The following BANP variants were observed in gnomAD, a reference collection of about 807,000 sequenced individuals.
BANP encodes BTG3 associated nuclear protein, also known as protein BANP.
BANP carries 11 observed loss-of-function variants against 68.1 expected under a neutral mutation model. The ratio of observed to expected loss-of-function variants is 0.16; its 90% CI spans 0.10 to 0.27. BANP has a LOEUF of 0.27. Ranked by LOEUF, BANP falls within the 10% of genes least tolerant of loss-of-function variation. The pLI, the probability that BANP is intolerant of heterozygous loss-of-function variation, is 1.00. For synonymous variants in BANP, 329 were observed against 303.2 expected, an observed-to-expected ratio of 1.09 and a Z score of -0.88; for missense variants, 504 against 722.7, an observed-to-expected ratio of 0.70 and a Z score of 3.47.
chr16:88,004,301 C>T lies in BANP; in HGVS notation c.369C>T (p.Val123=). 6.5e-7 allele frequency: 1 copy of T among 1,536,502 alleles called. No homozygotes were observed. Among genetic ancestry groups the T allele is most frequent in the South Asian group, 1.2e-5 (1 of 83,772 alleles). ...TGATTCTTTTGTTCCCTAGCGTCGT[C>T]CCCCAGACTACAGTAATACTCAACA... is the stretch of plus-strand genomic sequence containing the variant. ...TQTCNKVRCV[V]PQTTVILNND... is the part of the protein sequence containing the mutation. Residue 123 remains valine, a synonymous_variant, in exon 5 of 14, where the codon GTC becomes GTT. Transcript: ENST00000682872. The surrounding 1 kb of genome is among the most constrained non-coding windows in gnomAD (Gnocchi z 7.0).
intron 6 of BANP, among the ~76,000 whole-genome samples, chr16:88,013,088 AAG>A (rs2073601766): frequency 6.6e-6 from 1 of 152,232 alleles, no homozygotes; most frequent in African/African-American, 2.4e-5. Context: ...GCTTTCTAGG[AAG>A]AGACACTAGA....
chr16:88,063,390 GC>G (rs1567917609), intron 11 of BANP, among the ~76,000 whole-genome samples: 1 of 152,180 alleles, frequency 6.6e-6, no homozygotes, highest in Non-Finnish European at 1.5e-5. Flanking sequence ...CCGGCTCAGC[GC>G]CCTTGCTTAG....
At chr16:88,020,326 C>A (rs1414571339) in intron 7 of BANP, among the ~76,000 whole-genome samples, 3 of 152,238 alleles carry the variant, frequency 2.0e-5, no homozygotes, top group Non-Finnish European at 4.4e-5. Context: ...GGCCCACCAC[C>A]CCCTCCACCC....
intron 3 of BANP, among the ~76,000 whole-genome samples, chr16:87,983,854 G>GA (rs1271883715): frequency 6.6e-6 from 1 of 152,216 alleles, no homozygotes. Context: ...CATCACATTT[G>GA]AAACAGGACG....
At chr16:87,967,920 C>T (rs1260704015) in intron 1 of BANP, among the ~76,000 whole-genome samples, 1 of 151,448 alleles carries the variant, frequency 6.6e-6, no homozygotes, top group Non-Finnish European at 1.5e-5. Flanking sequence ...CGTGCCTGGC[C>T]TTTTTTTGGT....
intron 1 of BANP, among the ~76,000 whole-genome samples, chr16:87,971,499 C>CT (rs921018064): frequency 4.9e-4 from 73 of 148,676 alleles, no homozygotes; most frequent in Middle Eastern, 3.5e-3. Context: ...TACGTTAATC[C>CT]TTTTTTTTTT....
chr16:88,002,413 C>T lies in BANP; in HGVS notation c.363-1882C>T, dbSNP rs760663329. 1.1e-4 allele frequency among the ~76,000 whole-genome samples: 16 copies of T among 152,096 alleles called. No individual in the cohort carries two copies. The highest frequency in any genetic ancestry group is 1.9e-4 in the Non-Finnish European group (13 of 68,018). On this transcript the variant is annotated intron_variant, in intron 4 of 13. Coordinates refer to ENST00000682872, the MANE Select transcript of BANP (RefSeq NM_001386991.1). The surrounding 1 kb of genome is among the most constrained non-coding windows in gnomAD (Gnocchi z 4.6). Reference sequence around the variant, plus strand: ...CCGTGCTGGTGTTCAGGTGGCCCTGCGCTGGCTCCTGGGGTCTGTGCCCTA... The same window carrying T: ...CCGTGCTGGTGTTCAGGTGGCCCTGTGCTGGCTCCTGGGGTCTGTGCCCTA...
At chr16:88,006,013 A>AT in intron 5 of BANP, 77 bp from the exon 6 acceptor site, 2 of 1,590,714 alleles carry the variant, frequency 1.3e-6, no homozygotes, top group Non-Finnish European at 1.7e-6. Flanking sequence ...AGATTTTGCG[A>AT]TAAGGAAAGC....
At chr16:88,024,191 C>T (rs1039078761) in intron 7 of BANP, among the ~76,000 whole-genome samples, 5 of 152,182 alleles carry the variant, frequency 3.3e-5, no homozygotes, top group Non-Finnish European at 5.9e-5. Flanking sequence ...CTTCCCGTCT[C>T]CCCGAGCACC....
At chr16:88,038,809 A>C (rs2080060040) in intron 11 of BANP, among the ~76,000 whole-genome samples, 1 of 152,116 alleles carries the variant, frequency 6.6e-6, no homozygotes, top group African/African-American at 2.4e-5. Flanking sequence ...GATGGCTGTC[A>C]CCTCTGGATC....
intron 1 of BANP, chr16:87,952,765 C>T (rs2057225041): frequency 6.6e-6 from 1 of 152,184 alleles, no homozygotes; most frequent in African/African-American, 2.4e-5. Flanking sequence ...ATTCTGTCAT[C>T]ATTGGCGTTA....
chr16:88,042,222 G>A (rs2080994806), intron 11 of BANP, among the ~76,000 whole-genome samples: 1 of 152,264 alleles, frequency 6.6e-6, no homozygotes, highest in African/African-American at 2.4e-5. Flanking sequence ...CCCAAATGCG[G>A]GCAAGAAGTT....
In BANP at chr16:88,076,829, AGCC is replaced by A. The variant is rs748443231; in HGVS notation, c.*178_*180del. The A allele has an allele frequency of 1.8e-5, 11 of 602,016 alleles. No homozygotes were observed. Among genetic ancestry groups the A allele is most frequent in the South Asian group, 4.3e-5 (2 of 47,030 alleles). 37.3% of individuals were successfully genotyped at this position (602,016 alleles called of 1,614,324 possible). On this transcript the variant is annotated 3_prime_UTR_variant, in exon 14 of 14. Coordinates refer to ENST00000682872, the MANE Select transcript of BANP (RefSeq NM_001386991.1). ...ACAGCATCCTATCAACTGAAAGAGC[AGCC>A]GCCGCCGCCCCCAGCCGGAGACCCC...
Position 87,961,412 on chromosome 16 carries a change from C to CCCCCT in BANP, c.-69+9901_-69+9902insTCCCC, listed in dbSNP as rs368953008. On this transcript the variant is annotated intron_variant, in intron 1 of 13. Coordinates refer to ENST00000682872, the MANE Select transcript of BANP (RefSeq NM_001386991.1). Reference sequence around the variant, plus strand: ...CTCCTGGACTCACAGAATCTGCACCCCCCCGGGCCTCCCAAAGTGCTGGGA... The same window carrying CCCCCT: ...CTCCTGGACTCACAGAATCTGCACCCCCCCTCCCCGGGCCTCCCAAAGTGCTGGGA... Among the ~76,000 whole-genome samples the CCCCCT allele has an allele frequency of 9.8e-5, 14 of 143,064 alleles. 1 individual carries two copies. The highest frequency in any genetic ancestry group is 1.4e-4 in the Admixed American group (2 of 14,686). The allele number at this position is 143,064 out of a possible 152,430, so 93.9% of individuals were successfully genotyped here.
intron 1 of BANP, among the ~76,000 whole-genome samples, chr16:87,956,404 G>A (rs1034032496): frequency 2.0e-5 from 3 of 152,224 alleles, no homozygotes; most frequent in African/African-American, 7.2e-5. Context: ...GGTGACGGTG[G>A]TGAAAGCATG....
intron 9 of BANP, among the ~76,000 whole-genome samples, chr16:88,034,241 G>C (rs954217207): frequency 1.1e-4 from 16 of 152,202 alleles, no homozygotes; most frequent in African/African-American, 3.4e-4. Flanking sequence ...TTATTAATTT[G>C]TTTGACATTC....
chr16:88,065,876 C>T (rs776786285), intron 12 of BANP, among the ~76,000 whole-genome samples: 1 of 152,134 alleles, frequency 6.6e-6, no homozygotes, highest in East Asian at 1.9e-4. Context: ...ACAGTGTCCC[C>T]AGCGGAGCAG....
intron 11 of BANP, among the ~76,000 whole-genome samples, chr16:88,042,358 C>T (rs1362088291): frequency 4.6e-5 from 7 of 152,230 alleles, no homozygotes; most frequent in Admixed American, 1.3e-4. Context: ...TCCTCCTCCC[C>T]GAGCTGTGCC....
At chr16:88,011,019 A>G (rs762779591) in intron 6 of BANP, among the ~76,000 whole-genome samples, 3 of 152,378 alleles carry the variant, frequency 2.0e-5, no homozygotes, top group East Asian at 1.9e-4. Context: ...TTGATCGCTA[A>G]TAAGAGTAGG....
Sources: gnomAD v4.1 joint callset for allele counts (sites outside exome capture counted in the v4.1 genomes callset) on GRCh38, gnomAD v4.1.1 for gene constraint, Gnocchi (gnomAD v3.1) non-coding constraint, MANE v1.5 for transcripts, NCBI Gene and HGNC (gene_info 2026-07-23, HGNC 2026-07-21) for gene names.